The following ZNF638 variants were observed in gnomAD, a reference collection of about 807,000 sequenced individuals.
ZNF638 encodes CTCL tumor antigen se33-1.
Under a neutral mutation model 195.6 loss-of-function variants are expected in ZNF638, and 46 were observed. The ratio of observed to expected loss-of-function variants is 0.24; its 90% confidence interval spans 0.19 to 0.30. The LOEUF (loss-of-function observed/expected upper bound fraction) is 0.30, where lower values mean the gene tolerates loss of function less well. ZNF638 is among the 10% of genes least tolerant of loss of function. The pLI, the probability that ZNF638 is intolerant of heterozygous loss-of-function variation, is 1.00. For synonymous variants in ZNF638, 845 were observed against 772.0 expected (o/e 1.09, Z -1.57); for missense variants, 2,440 against 2,325.3 (o/e 1.05, Z -1.01).
At chr2:71,361,529 C>G (rs1573048478) in intron 3 of ZNF638, 1 of 152,218 alleles carries the variant, frequency 6.6e-6, no homozygotes, top group East Asian at 1.9e-4. Context: ...TGGTACAGAG[C>G]AATGAAAGTT....
Position 71,364,026 on chromosome 2 carries a change from A to G in ZNF638, c.1491A>G (p.Arg497=), listed in dbSNP as rs1240664349. ...RSHSPSPRRS[R]RSSSSHRFRR... ...ATTCCCCCAGTCCTAGGCGTTCTAG[A>G]AGATCAAGCTCAAGTCACAGATTCC... The change falls in exon 5 of 28, where the codon AGA becomes AGG. Residue 497 remains arginine, a synonymous_variant. Transcript: ENST00000264447. 1 of 1,614,108 alleles carries G rather than the reference A, an allele frequency of 6.2e-7. No homozygotes were observed. The highest frequency in any genetic ancestry group is 8.5e-7 in the Non-Finnish European group (1 of 1,180,030).
intron 20 of ZNF638, chr2:71,408,747 C>G (rs574766181): frequency 2.2e-4 from 101 of 454,234 alleles, no homozygotes; most frequent in African/African-American, 1.9e-3. Context: ...AATCTATTTT[C>G]TCCTTCTATT....
rs189713578 is a variant in ZNF638, at chr2:71,409,347, A to G, written c.3261+1100A>G. On this transcript the variant is annotated intron_variant, in intron 20 of 27. Transcript: ENST00000264447. ...AACACTTACTGTTTTTGTTAGACTGAAATGTTACTTCTTTGTGTAGTATGT... is the reference window on the plus strand; with the variant it reads ...AACACTTACTGTTTTTGTTAGACTGGAATGTTACTTCTTTGTGTAGTATGT... Among the ~76,000 whole-genome samples, 178 of 152,276 alleles carry G rather than the reference A, an allele frequency of 1.2e-3. 1 individual carries two copies. The highest frequency in any genetic ancestry group is 3.0e-3 in the African/African-American group (123 of 41,566).
intron 3 of ZNF638, among the ~76,000 whole-genome samples, chr2:71,359,056 CA>C (rs1558840098): frequency 1.3e-5 from 2 of 152,032 alleles, no homozygotes; most frequent in South Asian, 4.2e-4. Context: ...ACTGGGAAAC[CA>C]AAAAACTTAT....
intron 10 of ZNF638, among the ~76,000 whole-genome samples, chr2:71,383,283 C>G (rs1248892449): frequency 6.6e-6 from 1 of 151,984 alleles, no homozygotes; most frequent in East Asian, 1.9e-4. Flanking sequence ...CCACTGCACT[C>G]CAGCCTGGGT....
chr2:71,347,601 G>A (rs2078871867), intron 1 of ZNF638, among the ~76,000 whole-genome samples: 1 of 152,146 alleles, frequency 6.6e-6, no homozygotes, highest in Non-Finnish European at 1.5e-5. Context: ...ACACATAAAA[G>A]TGAGGTCCTG....
chr2:71,377,117 T>G (rs2079444237), intron 8 of ZNF638, among the ~76,000 whole-genome samples: 2 of 151,896 alleles, frequency 1.3e-5, no homozygotes, highest in African/African-American at 2.4e-5. Context: ...TTCAAAAAAT[T>G]AAAAAATTGA....
rs1002061205 is a variant in ZNF638 at position 71,428,485 on chromosome 2, T to G, written c.5546-62T>G. On this transcript the variant is annotated intron_variant, in intron 24 of 27. Transcript: ENST00000264447. ...ATGTTGATTCAGACAGTATAATATGTTTAATTTAAAGCAATTTAAATACTG... is the reference window on the plus strand; with the variant it reads ...ATGTTGATTCAGACAGTATAATATGGTTAATTTAAAGCAATTTAAATACTG... 1.6e-5 allele frequency: 24 copies of G among 1,466,368 alleles called. No individual in the cohort carries two copies. In the Admixed American group the frequency reaches 4.8e-4, roughly 29 times the overall value. The allele number at this position is 1,466,368 out of a possible 1,614,324, so 90.8% of individuals were successfully genotyped here.
In ZNF638 at chr2:71,431,376, G is replaced by T. The variant is rs2080655931; in HGVS notation, c.5700G>T (p.Lys1900Asn). The T allele has an allele frequency of 6.2e-7, 1 of 1,614,092 alleles. No individual in the cohort carries two copies. Among genetic ancestry groups the T allele is most frequent in the Non-Finnish European group, 8.5e-7 (1 of 1,179,924 alleles). Residue 1900 changes from lysine (K) to asparagine (N), a missense_variant, in exon 26 of 28, where the codon AAG (lysine) becomes AAT (asparagine). Lys to Asn is a moderately conservative substitution (Grantham distance 94). Transcript: ENST00000264447. ...LKDSEPERKR[K>N]KTEDSSSGKS... Reference sequence around the variant, plus strand: ...ATTCAGAACCAGAGCGAAAACGCAAGAAGACTGAAGACTCTTCTTCAGGCA... The same window carrying T: ...ATTCAGAACCAGAGCGAAAACGCAATAAGACTGAAGACTCTTCTTCAGGCA...
At chr2:71,374,314 G>A (rs1217278446) in intron 8 of ZNF638, among the ~76,000 whole-genome samples, 2 of 152,146 alleles carry the variant, frequency 1.3e-5, no homozygotes, top group Admixed American at 6.5e-5. Context: ...TCTTTTATGT[G>A]TATAAATTCT....
chr2:71,411,207 T>G (rs376106676), intron 20 of ZNF638, among the ~76,000 whole-genome samples: 1 of 150,668 alleles, frequency 6.6e-6, no homozygotes, highest in Non-Finnish European at 1.5e-5. Flanking sequence ...ACCATGCTGG[T>G]CAGGCTGGTC....
intron 8 of ZNF638, among the ~76,000 whole-genome samples, chr2:71,378,274 A>C (rs1462548469): frequency 6.6e-6 from 1 of 152,222 alleles, no homozygotes; most frequent in Non-Finnish European, 1.5e-5. Flanking sequence ...TTCAACTTAT[A>C]CATCGGAACA....
At chr2:71,394,418 C>A (rs923112940) in intron 10 of ZNF638, among the ~76,000 whole-genome samples, 1 of 152,160 alleles carries the variant, frequency 6.6e-6, no homozygotes, top group African/African-American at 2.4e-5. Context: ...CAGATCAGTG[C>A]CTGATTTGCA....
chr2:71,372,521 G>A (rs919058899), intron 8 of ZNF638, among the ~76,000 whole-genome samples: 8 of 152,290 alleles, frequency 5.3e-5, no homozygotes, highest in South Asian at 2.1e-4. Context: ...GATTAGGGAG[G>A]TGTGCTGTCA....
In ZNF638 at chr2:71,368,442, G is replaced by A. The variant is rs2079245693; in HGVS notation, c.2056G>A (p.Asp686Asn). 1.2e-6 allele frequency: 2 copies of A among 1,613,492 alleles called. No homozygotes were observed. The highest frequency in any genetic ancestry group is 1.7e-5 in the Admixed American group (1 of 59,968). The change falls in exon 7 of 28, where the codon GAT becomes AAT. Residue 686 changes from aspartate to asparagine, a missense_variant. Coordinates refer to ENST00000264447, the MANE Select transcript of ZNF638 (RefSeq NM_014497.5). ...TCTTCTTATAACTGAATTACCAGAG[G>A]ATGGTTGTACTGAAGAAGATGTGAG... is the stretch of plus-strand genomic sequence containing the variant. The part of the protein sequence containing the change: ...SVLLITELPE[D>N]GCTEEDVRKL...
At chr2:71,344,907 T>C (rs2078825337) in intron 1 of ZNF638, among the ~76,000 whole-genome samples, 1 of 152,222 alleles carries the variant, frequency 6.6e-6, no homozygotes, top group South Asian at 2.1e-4. Flanking sequence ...AGACAAACTT[T>C]GCTAAATGAT....
intron 20 of ZNF638, chr2:71,418,376 A>AT: frequency 2.9e-6 from 1 of 345,158 alleles, no homozygotes; most frequent in South Asian, 1.4e-4. Flanking sequence ...AAGGAAACTT[A>AT]TTTTTTCATT....
intron 8 of ZNF638, among the ~76,000 whole-genome samples, chr2:71,374,324 T>C (rs2079377862): frequency 6.6e-6 from 1 of 152,260 alleles, no homozygotes; most frequent in Admixed American, 6.5e-5. Context: ...GTATAAATTC[T>C]GTATACATAG....
Position 71,395,203 on chromosome 2 carries a change from A to C in ZNF638, c.2378-938A>C, listed in dbSNP as rs899235017. ...CACTCCTTGATTGGAAAAAAATATT[A>C]CTAATTATACTCATGTTTGTCTTAT... On this transcript the variant is annotated intron_variant, in intron 10 of 27. Coordinates refer to ENST00000264447, the MANE Select transcript of ZNF638 (RefSeq NM_014497.5). 4.2e-6 allele frequency: 3 copies of C among 716,954 alleles called. No homozygotes were observed. The South Asian group carries it at 4.4e-5, about 11-fold the overall frequency. 44.4% of individuals were successfully genotyped at this position (716,954 alleles called of 1,614,324 possible). A position where few individuals can be genotyped will look rare whatever the true frequency, so the allele number is the denominator to read the frequency against.
Sources: gnomAD v4.1 joint callset for allele counts (sites outside exome capture counted in the v4.1 genomes callset) on GRCh38, gnomAD v4.1.1 for gene constraint, MANE v1.5 for transcripts, NCBI Gene and HGNC (gene_info 2026-07-23, HGNC 2026-07-21) for gene names.